The following RALYL variants were observed in gnomAD, a reference collection of about 807,000 sequenced individuals.
The protein encoded by RALYL is RALY RNA binding protein like.
Under a neutral mutation model 35.1 loss-of-function variants are expected in RALYL, and 29 were observed. That is an observed-to-expected ratio of 0.83 (90% CI 0.61 to 1.13). The LOEUF is 1.13. Ranked by LOEUF, RALYL falls within the 50% of genes most tolerant of loss-of-function variation. The pLI, the probability that RALYL is intolerant of heterozygous loss-of-function variation, is 0.00. For missense variants in RALYL, 359 were observed against 360.4 expected, an observed-to-expected ratio of 1.00 and a Z score of 0.03; for synonymous variants, 120 against 127.6, an observed-to-expected ratio of 0.94 and a Z score of 0.40.
intron 2 of RALYL, among the ~76,000 whole-genome samples, chr8:84,537,394 C>T (rs1049518443): frequency 4.0e-5 from 6 of 149,878 alleles, no homozygotes; most frequent in South Asian, 4.2e-4. Flanking sequence ...CACCTGAGCC[C>T]GGGAAATTGA....
chr8:84,635,368 G>C (rs554418616), intron 2 of RALYL, among the ~76,000 whole-genome samples: 9 of 151,396 alleles, frequency 5.9e-5, no homozygotes, highest in Admixed American at 5.3e-4. Flanking sequence ...CTATTTCCAG[G>C]TTCATCAGCC....
chr8:84,306,873 A>G (rs1391198337), intron 1 of RALYL, among the ~76,000 whole-genome samples: 1 of 152,194 alleles, frequency 6.6e-6, no homozygotes, highest in African/African-American at 2.4e-5. Context: ...GATTAAGAAA[A>G]TGGCACAAGC....
At position 84,293,938 on chromosome 8, in the gene RALYL, C is replaced by T. The variant is rs531067003; in HGVS notation, c.-24+109514C>T. On this transcript the variant is annotated intron_variant, in intron 1 of 8. Transcript: ENST00000521268. Reference sequence around the variant, plus strand: ...TTTTCTTCTTGCAGCAGTCCTTTTACTTGTGATACCAAAACAACCTGTAAC... The same window carrying T: ...TTTTCTTCTTGCAGCAGTCCTTTTATTTGTGATACCAAAACAACCTGTAAC... 2.0e-5 allele frequency among the ~76,000 whole-genome samples: 3 copies of T among 152,166 alleles called. No individual in the cohort carries two copies. The South Asian group carries it at 6.2e-4, about 32-fold the overall frequency.
chr8:84,297,211 G>A (rs1243560688), intron 1 of RALYL, among the ~76,000 whole-genome samples: 1 of 151,762 alleles, frequency 6.6e-6, no homozygotes, highest in East Asian at 1.9e-4. Flanking sequence ...TCCTCCCACT[G>A]TCTACCCTCA....
chr8:84,901,076 T>C (rs1372435489), intron 8 of RALYL, among the ~76,000 whole-genome samples: 1 of 152,192 alleles, frequency 6.6e-6, no homozygotes, highest in Non-Finnish European at 1.5e-5. Flanking sequence ...TGCTTCTTAC[T>C]TAATGATTAC....
At chr8:84,909,149 T>C (rs1239321631) in intron 8 of RALYL, among the ~76,000 whole-genome samples, 1 of 152,130 alleles carries the variant, frequency 6.6e-6, no homozygotes, top group Non-Finnish European at 1.5e-5. Flanking sequence ...GATATTGCCT[T>C]CTCAAATGTC....
chr8:84,512,553 A>G (rs1013481759), intron 1 of RALYL, among the ~76,000 whole-genome samples: 8 of 151,988 alleles, frequency 5.3e-5, no homozygotes, highest in Non-Finnish European at 8.8e-5. Context: ...CCATTTGTCT[A>G]GTTTTGTTTT....
At chr8:84,526,696 ATGC>A (rs2058926313) in intron 1 of RALYL, among the ~76,000 whole-genome samples, 1 of 152,202 alleles carries the variant, frequency 6.6e-6, no homozygotes, top group Non-Finnish European at 1.5e-5. Context: ...ACTGCCCCAG[ATGC>A]TCTGAACTCT....
At chr8:84,341,429 CAT>C (rs1172849039) in intron 1 of RALYL, among the ~76,000 whole-genome samples, 5 of 151,848 alleles carry the variant, frequency 3.3e-5, no homozygotes, top group Non-Finnish European at 7.4e-5. Context: ...CTACCTGAGA[CAT>C]AAACAAGATT....
intron 1 of RALYL, among the ~76,000 whole-genome samples, chr8:84,453,786 T>A (rs897269795): frequency 1.3e-5 from 2 of 152,030 alleles, no homozygotes; most frequent in East Asian, 3.9e-4. Context: ...ACAGGTTTTG[T>A]TGGCTTAAAA....
chr8:84,270,264 A>C (rs1441599820), intron 1 of RALYL, among the ~76,000 whole-genome samples: 2 of 152,226 alleles, frequency 1.3e-5, no homozygotes, highest in Non-Finnish European at 2.9e-5. Flanking sequence ...GGGAAGGAAG[A>C]AGGAGCACAA....
chr8:84,730,731 CA>C (rs1846009651), intron 2 of RALYL, among the ~76,000 whole-genome samples: 1 of 151,962 alleles, frequency 6.6e-6, no homozygotes. Flanking sequence ...TGGGACATAA[CA>C]AAACTCGTAA....
intron 2 of RALYL, among the ~76,000 whole-genome samples, chr8:84,674,936 T>C (rs1833914813): frequency 6.6e-6 from 1 of 151,916 alleles, no homozygotes; most frequent in African/African-American, 2.4e-5. Context: ...TATGTTTATT[T>C]AAAATTTGAT....
intron 1 of RALYL, among the ~76,000 whole-genome samples, chr8:84,458,922 T>C (rs1216470410): frequency 5.3e-5 from 8 of 151,722 alleles, no homozygotes; most frequent in African/African-American, 1.2e-4. Flanking sequence ...GTATGTACTT[T>C]TTTATTTAAA....
At chr8:84,395,610 C>A (rs1169166860) in intron 1 of RALYL, among the ~76,000 whole-genome samples, 1 of 151,882 alleles carries the variant, frequency 6.6e-6, no homozygotes, top group Non-Finnish European at 1.5e-5. Flanking sequence ...TATTAAATAA[C>A]ATTTGGCACA....
rs187006783 is a variant in RALYL, at chr8:84,401,409, G to A, written c.-23-127890G>A. Among the ~76,000 whole-genome samples the A allele has an allele frequency of 2.2e-3, 328 of 151,718 alleles. 2 individuals are homozygous for A. Among genetic ancestry groups the A allele is most frequent in the Middle Eastern group, 0.014 (4 of 294 alleles). ...TCCCAGCACTTTGGGAGGCCGAGGCGGGCGGATCACGAGGTCAGGAGATCG... is the reference window on the plus strand; with the variant it reads ...TCCCAGCACTTTGGGAGGCCGAGGCAGGCGGATCACGAGGTCAGGAGATCG... On this transcript the variant is annotated intron_variant, in intron 1 of 8. Transcript: ENST00000521268.
At chr8:84,920,180 G>T (rs1284996271) in intron 8 of RALYL, among the ~76,000 whole-genome samples, 2 of 152,074 alleles carry the variant, frequency 1.3e-5, no homozygotes, top group African/African-American at 2.4e-5. Flanking sequence ...GACCTTTGAA[G>T]TTGATGGGAT....
intron 2 of RALYL, among the ~76,000 whole-genome samples, chr8:84,637,421 C>A (rs147991634): frequency 9.1e-4 from 139 of 151,914 alleles, no homozygotes; most frequent in African/African-American, 3.1e-3. Flanking sequence ...GCATTTTCTC[C>A]TGTGCTCCCA....
At chr8:84,731,893 T>C (rs141803376) in intron 2 of RALYL, among the ~76,000 whole-genome samples, 173 of 152,200 alleles carry the variant, frequency 1.1e-3, no homozygotes, top group African/African-American at 4.1e-3. Flanking sequence ...CTCACACTGG[T>C]GTTGCTTCAT....
Sources: gnomAD v4.1 joint callset for allele counts (sites outside exome capture counted in the v4.1 genomes callset) on GRCh38, gnomAD v4.1.1 for gene constraint, MANE v1.5 for transcripts, NCBI Gene and HGNC (gene_info 2026-07-23, HGNC 2026-07-21) for gene names.